SNX29: variants seen among roughly 807,000 people sequenced by gnomAD.
SNX29 encodes sorting nexin-29.
In SNX29, 78 loss-of-function variants were observed where a neutral mutation model predicts 102.1. That is an observed-to-expected ratio of 0.76 (90% CI 0.64 to 0.92). The LOEUF (loss-of-function observed/expected upper bound fraction) is 0.92. Among genes scored for constraint, SNX29 ranks in the 40% least tolerant of loss-of-function variants. SNX29 has a pLI of 0.00. For missense variants in SNX29, 1,280 were observed against 1,061.7 expected (o/e 1.21, Z -2.86); for synonymous variants, 580 against 414.5 (o/e 1.40, Z -4.85).
chr16:12,171,872 CT>C (rs1418248798), intron 13 of SNX29, among the ~76,000 whole-genome samples: 1 of 152,198 alleles, frequency 6.6e-6, no homozygotes, highest in Middle Eastern at 3.2e-3. Flanking sequence ...ATCAGTTCTG[CT>C]GCTTTCTGGC....
intron 13 of SNX29, among the ~76,000 whole-genome samples, chr16:12,140,754 C>G (rs2054840428): frequency 6.6e-6 from 1 of 152,158 alleles, no homozygotes; most frequent in Admixed American, 6.5e-5. Context: ...TGTGCTTTTC[C>G]TTGGCTAGAT....
At chr16:12,434,368 G>A (rs1279244370) in intron 18 of SNX29, among the ~76,000 whole-genome samples, 2 of 152,072 alleles carry the variant, frequency 1.3e-5, no homozygotes. Flanking sequence ...AGAAACCTGG[G>A]CCCTGGGGAC....
intron 10 of SNX29, among the ~76,000 whole-genome samples, chr16:12,072,617 G>A (rs887620008): frequency 1.3e-5 from 2 of 152,048 alleles, no homozygotes; most frequent in African/African-American, 2.4e-5. Flanking sequence ...AAGGATATTG[G>A]TCTAAAATTC....
Position 12,572,676 on chromosome 16 carries a change from G to C in SNX29, c.*4047G>C, listed in dbSNP as rs187630634. ...CCTGTGTGAGCTGCAGCACCCACAC[G>C]GGGGAAGCCCTGCACTCCAGCAGCA... On this transcript the variant is annotated 3_prime_UTR_variant, in exon 21 of 21. Coordinates refer to ENST00000566228, the MANE Select transcript of SNX29 (RefSeq NM_032167.5). The C allele has an allele frequency of 1.4e-5, 15 of 1,063,206 alleles. No individual in the cohort carries two copies. The highest frequency in any genetic ancestry group is 1.6e-5 in the Non-Finnish European group (14 of 878,024). 65.9% of individuals were successfully genotyped at this position (1,063,206 alleles called of 1,614,324 possible).
In SNX29 at chr16:12,403,703, A is replaced by C. The variant is rs149020531; in HGVS notation, c.2037+174A>C. On this transcript the variant is annotated intron_variant, in intron 18 of 20. Coordinates refer to ENST00000566228, the MANE Select transcript of SNX29 (RefSeq NM_032167.5). ...CTTGCCGAAGAAGTCTGTGGCTTTC[A>C]GTTGGGCAGGGGGATACGGTGGGCC... is the stretch of plus-strand genomic sequence containing the variant. Among the ~76,000 whole-genome samples, 386 of 152,214 alleles carry C rather than the reference A, an allele frequency of 2.5e-3. 3 individuals are homozygous for C. The highest frequency in any genetic ancestry group is 8.5e-3 in the African/African-American group (353 of 41,546).
rs184001879 is a variant in SNX29 at position 12,307,481 on chromosome 16, A to G, written c.1782+29445A>G. ...CACATTTGTGAATGTTGAATGGGGT[A>G]TGGATGCTTTCATGCAGGGCTGGTC... On this transcript the variant is annotated intron_variant, in intron 15 of 20. Transcript: ENST00000566228. 6.6e-5 allele frequency among the ~76,000 whole-genome samples: 10 copies of G among 152,312 alleles called. No homozygotes were observed. In the East Asian group the frequency reaches 1.7e-3, roughly 26 times the overall value.
At chr16:12,409,830 G>C (rs1219596102) in intron 18 of SNX29, among the ~76,000 whole-genome samples, 1 of 152,176 alleles carries the variant, frequency 6.6e-6, no homozygotes. Context: ...TTCAGTGTAA[G>C]TACATTTGGA....
chr16:12,526,125 G>T (rs2076776178), intron 20 of SNX29, among the ~76,000 whole-genome samples: 1 of 152,220 alleles, frequency 6.6e-6, no homozygotes, highest in Admixed American at 6.5e-5. Flanking sequence ...GGACTTATTC[G>T]AGAAGCACTG....
intron 20 of SNX29, among the ~76,000 whole-genome samples, chr16:12,542,759 C>T (rs1462832049): frequency 6.9e-6 from 1 of 144,708 alleles, no homozygotes; most frequent in Non-Finnish European, 1.5e-5. Context: ...CTATCACTGC[C>T]TTTTTTTTTT....
At chr16:12,011,239 C>T (rs2056644133) in intron 3 of SNX29, among the ~76,000 whole-genome samples, 1 of 148,858 alleles carries the variant, frequency 6.7e-6, no homozygotes, top group South Asian at 2.1e-4. Flanking sequence ...AATGGGGAAC[C>T]TCCAGGACGT....
intron 14 of SNX29, among the ~76,000 whole-genome samples, chr16:12,233,674 A>AT (rs1246801298): frequency 6.6e-6 from 1 of 152,172 alleles, no homozygotes; most frequent in Middle Eastern, 3.2e-3. Flanking sequence ...TGATTTAATG[A>AT]TTTTTAGTAT....
intron 18 of SNX29, among the ~76,000 whole-genome samples, chr16:12,470,940 C>G (rs1286146426): frequency 2.0e-5 from 3 of 152,198 alleles, no homozygotes; most frequent in Admixed American, 6.5e-5. Context: ...GCCTGCCTTA[C>G]AGATGAAGAA....
chr16:12,541,382 A>G (rs1274134752), intron 20 of SNX29, among the ~76,000 whole-genome samples: 1 of 152,170 alleles, frequency 6.6e-6, no homozygotes, highest in Non-Finnish European at 1.5e-5. Flanking sequence ...GGCAGTTACC[A>G]TGTGCAGGCT....
intron 14 of SNX29, among the ~76,000 whole-genome samples, chr16:12,200,957 A>G (rs1228325582): frequency 2.0e-5 from 3 of 152,246 alleles, no homozygotes; most frequent in Non-Finnish European, 4.4e-5. Flanking sequence ...TACCTGGCAT[A>G]TAATAAATGG....
chr16:12,566,189 C>T (rs940758363), intron 20 of SNX29, among the ~76,000 whole-genome samples: 4 of 152,108 alleles, frequency 2.6e-5, no homozygotes, highest in Non-Finnish European at 4.4e-5. Flanking sequence ...GCCCTTGAAT[C>T]CTTACCACCA....
intron 15 of SNX29, among the ~76,000 whole-genome samples, chr16:12,321,092 C>G (rs559718454): frequency 6.6e-6 from 1 of 152,282 alleles, no homozygotes; most frequent in Non-Finnish European, 1.5e-5. Context: ...GTTCCCTCCG[C>G]TGCCTCCTCC....
At chr16:12,223,995 C>A (rs535071228) in intron 14 of SNX29, among the ~76,000 whole-genome samples, 2 of 152,300 alleles carry the variant, frequency 1.3e-5, no homozygotes, top group South Asian at 4.1e-4. Flanking sequence ...GGCGAGAGTT[C>A]AGGTGGATGC....
intron 1 of SNX29, among the ~76,000 whole-genome samples, chr16:11,988,003 T>G (rs1475803556): frequency 1.3e-5 from 2 of 152,166 alleles, no homozygotes; most frequent in Non-Finnish European, 2.9e-5. Context: ...ACTTTAAATG[T>G]TTCTTGGAGG....
At chr16:12,535,721 C>G (rs1300005883) in intron 20 of SNX29, among the ~76,000 whole-genome samples, 3 of 152,124 alleles carry the variant, frequency 2.0e-5, no homozygotes, top group Non-Finnish European at 2.9e-5. Context: ...CCCTTGTAAA[C>G]AAAGCCAGGC....
Sources: allele counts gnomAD v4.1 joint callset (sites outside exome capture counted in the v4.1 genomes callset), GRCh38; gene constraint gnomAD v4.1.1; transcripts MANE v1.5; gene names NCBI Gene and HGNC (gene_info 2026-07-23, HGNC 2026-07-21).